ADAMTSL1: variants seen among roughly 807,000 people sequenced by gnomAD.
ADAMTSL1 encodes ADAMTS like 1.
A neutral mutation model predicts 201.8 loss-of-function variants in ADAMTSL1; 126 were observed. The ratio of observed to expected loss-of-function variants is 0.62; its 90% CI spans 0.54 to 0.72. ADAMTSL1 has a LOEUF of 0.72. Among genes scored for constraint, ADAMTSL1 ranks in the 30% least tolerant of loss-of-function variants. The pLI is 0.00. For missense variants in ADAMTSL1, 2,679 were observed against 2,277.8 expected, an observed-to-expected ratio of 1.18 and a Z score of -3.59; for synonymous variants, 1,121 against 903.4, an observed-to-expected ratio of 1.24 and a Z score of -4.32.
At chr9:18,540,931 C>T (rs776729089) in intron 3 of ADAMTSL1, among the ~76,000 whole-genome samples, 3 of 152,286 alleles carry the variant, frequency 2.0e-5, no homozygotes, top group South Asian at 2.1e-4. Flanking sequence ...CTGCCACAGA[C>T]GCACTCTCTC....
chr9:18,287,574 TA>T (rs1171098534), intron 2 of ADAMTSL1, among the ~76,000 whole-genome samples: 2 of 148,934 alleles, frequency 1.3e-5, no homozygotes, highest in Non-Finnish European at 3.0e-5. Context: ...TACATATATG[TA>T]AATATATGTG....
chr9:18,621,791 T>C (rs548764353), intron 4 of ADAMTSL1, among the ~76,000 whole-genome samples: 1 of 152,324 alleles, frequency 6.6e-6, no homozygotes, highest in East Asian at 1.9e-4. Flanking sequence ...CAGCATACGT[T>C]CTAACGAACC....
intron 1 of ADAMTSL1, among the ~76,000 whole-genome samples, chr9:18,484,031 A>G (rs1821863763): frequency 6.6e-6 from 1 of 152,154 alleles, no homozygotes; most frequent in Non-Finnish European, 1.5e-5. Context: ...TGTGAAAATA[A>G]CTTCATATGG....
chr9:18,148,015 C>A (rs562789520), intron 1 of ADAMTSL1, among the ~76,000 whole-genome samples: 1 of 152,012 alleles, frequency 6.6e-6, no homozygotes, highest in South Asian at 2.1e-4. Context: ...TGTTCAACAC[C>A]TCCAGCACCT....
At chr9:18,524,919 G>C (rs555923349) in intron 2 of ADAMTSL1, among the ~76,000 whole-genome samples, 104 of 152,196 alleles carry the variant, frequency 6.8e-4, no homozygotes, top group African/African-American at 2.0e-3. Flanking sequence ...TGTTGTGTCT[G>C]TGCCAGGCTT....
At chr9:18,893,241 C>G (rs954562612) in intron 26 of ADAMTSL1, among the ~76,000 whole-genome samples, 9 of 152,078 alleles carry the variant, frequency 5.9e-5, no homozygotes, top group African/African-American at 1.9e-4. Flanking sequence ...CAAGACAGCT[C>G]TGGTTCCAGG....
intron 19 of ADAMTSL1, among the ~76,000 whole-genome samples, chr9:18,784,978 A>G (rs976515443): frequency 2.0e-5 from 3 of 152,188 alleles, no homozygotes; most frequent in African/African-American, 7.2e-5. Context: ...ATCCTGGCCT[A>G]CATTGTGAAA....
At chr9:18,533,415 A>T in intron 3 of ADAMTSL1, 123 bp downstream of exon 3, 2 of 658,210 alleles carry the variant, frequency 3.0e-6, no homozygotes, top group South Asian at 5.5e-5. Context: ...TTTATCTCAT[A>T]CTGTACTGAT....
upstream of ADAMTSL1, among the ~76,000 whole-genome samples, chr9:18,470,005 A>G (rs148863875): frequency 1.8e-3 from 276 of 152,350 alleles, 2 homozygotes; most frequent in Middle Eastern, 6.8e-3. Flanking sequence ...TACGTGAAAT[A>G]ATAAATATAA....
At chr9:18,148,270 C>A (rs539756478) in intron 1 of ADAMTSL1, among the ~76,000 whole-genome samples, 1 of 151,520 alleles carries the variant, frequency 6.6e-6, no homozygotes, top group East Asian at 1.9e-4. Flanking sequence ...AATGGAACAT[C>A]CTATTTTCAG....
At chr9:18,106,815 C>G (rs1259476742) in intron 1 of ADAMTSL1, among the ~76,000 whole-genome samples, 4 of 152,128 alleles carry the variant, frequency 2.6e-5, no homozygotes, top group Non-Finnish European at 4.4e-5. Context: ...GAGGTTCTAG[C>G]CAGCAGGAAA....
At position 18,385,578 on chromosome 9, in the gene ADAMTSL1, C is replaced by T. The variant is rs947267080; in HGVS notation, c.208-119251C>T. Among the ~76,000 whole-genome samples the T allele has an allele frequency of 2.6e-5, 4 of 152,268 alleles. No homozygotes were observed. The South Asian group carries it at 8.3e-4, about 32-fold the overall frequency. ...AATAAAGAATTCAAGCTACCTAGCC[C>T]TTCCTTTTGCAATACCTTTTCCATA... On this transcript the variant is annotated intron_variant, in intron 2 of 29. Transcript: ENST00000680146.
At position 18,657,697 on chromosome 9, in the gene ADAMTSL1, T is replaced by A. The variant is rs1828784502; in HGVS notation, c.893T>A (p.Ile298Asn). 1 of 1,614,220 alleles carries A rather than the reference T, an allele frequency of 6.2e-7. No homozygotes were observed. The highest frequency in any genetic ancestry group is 1.3e-5 in the African/African-American group (1 of 75,064). The change falls in exon 8 of 29, where the codon ATC (isoleucine) becomes AAC (asparagine). Residue 298 changes from isoleucine (I) to asparagine (N), a missense_variant. Physicochemically the swap from Ile to Asn is moderately radical, Grantham distance 149. Coordinates refer to ENST00000380548, the MANE Select transcript of ADAMTSL1 (RefSeq NM_001040272.6). ...CAGTTCATCTTCTATCAACCCATCA[T>A]CCACCGATGGAGGGAGACGGATTTC... is the stretch of plus-strand genomic sequence containing the variant. ...TVQFIFYQPI[I>N]HRWRETDFFP...
At chr9:18,189,174 A>T (rs960066088) in intron 2 of ADAMTSL1, among the ~76,000 whole-genome samples, 1 of 152,160 alleles carries the variant, frequency 6.6e-6, no homozygotes. Context: ...TGCCAGGCTG[A>T]GTTGTGTACT....
intron 1 of ADAMTSL1, among the ~76,000 whole-genome samples, chr9:18,073,340 T>C (rs543165180): frequency 2.0e-5 from 3 of 152,308 alleles, no homozygotes; most frequent in Admixed American, 6.5e-5. Context: ...TCAACTAGTT[T>C]TGTGCTTTCT....
chr9:18,150,940 T>C (rs969053822), intron 1 of ADAMTSL1, among the ~76,000 whole-genome samples: 1 of 151,506 alleles, frequency 6.6e-6, no homozygotes, highest in African/African-American at 2.4e-5. Context: ...CAATGACATA[T>C]GCATAGAAGG....
intron 1 of ADAMTSL1, among the ~76,000 whole-genome samples, chr9:18,499,008 A>C (rs1822690455): frequency 6.6e-6 from 1 of 152,270 alleles, no homozygotes; most frequent in Admixed American, 6.5e-5. Context: ...ATAGATGCTG[A>C]GAAAGCAAAA....
chr9:18,653,631 A>C (rs1288807711), intron 7 of ADAMTSL1, among the ~76,000 whole-genome samples: 1 of 151,962 alleles, frequency 6.6e-6, no homozygotes, highest in Non-Finnish European at 1.5e-5. Flanking sequence ...AAAAAAAAAA[A>C]AAAAACTCTG....
At position 18,407,368 on chromosome 9, in the gene ADAMTSL1, A is replaced by G. The variant is rs1200883416; in HGVS notation, c.208-97461A>G. Among the ~76,000 whole-genome samples, 4 of 152,238 alleles carry G rather than the reference A, an allele frequency of 2.6e-5. No homozygotes were observed. In the East Asian group the frequency reaches 5.8e-4, roughly 22 times the overall value. On this transcript the variant is annotated intron_variant, in intron 2 of 29. Transcript: ENST00000680146. ...GTACATTTATCATCTGGAGCTCAGG[A>G]TGAAGAACTGAGTTGCAAATAGAGA...
Sources: allele counts gnomAD v4.1 joint callset (sites outside exome capture counted in the v4.1 genomes callset), GRCh38; gene constraint gnomAD v4.1.1; transcripts MANE v1.5; gene names NCBI Gene and HGNC (gene_info 2026-07-23, HGNC 2026-07-21).